The following PTCD3 variants were observed in gnomAD, a reference collection of about 807,000 sequenced individuals.
PTCD3 encodes small ribosomal subunit protein mS39.
PTCD3 carries 89 observed loss-of-function variants against 101.9 expected under a neutral mutation model. The observed-to-expected ratio is 0.87, with a 90% CI of 0.74 to 1.04. The LOEUF is 1.04. Ranked by LOEUF, PTCD3 falls within the 50% of genes least tolerant of loss-of-function variation. PTCD3 has a pLI of 0.00. For missense variants in PTCD3, 870 were observed against 828.2 expected (o/e 1.05, Z -0.62); for synonymous variants, 296 against 278.5 (o/e 1.06, Z -0.63).
In PTCD3 at chr2:86,117,178, A is replaced by G. The variant is rs766171773; in HGVS notation, c.414+19A>G. 26 of 866,668 alleles carry G rather than the reference A, an allele frequency of 3.0e-5. No homozygotes were observed. The highest frequency in any genetic ancestry group is 4.3e-5 in the Non-Finnish European group (22 of 512,394). The allele number at this position is 866,668 out of a possible 1,614,324, so 53.7% of individuals were successfully genotyped here. On this transcript the variant is annotated intron_variant, in intron 6 of 23. Transcript: ENST00000254630. ...TATACCGGTAAGGAGAGGTAGTTAC[A>G]TTATTTACATAATACTATTTTAAAT... is the stretch of plus-strand genomic sequence containing the variant.
At chr2:86,128,103 A>G in intron 14 of PTCD3, 112 bp downstream of exon 14, 2 of 942,006 alleles carry the variant, frequency 2.1e-6, no homozygotes, top group Non-Finnish European at 3.4e-6. Flanking sequence ...AAGAAGAGAG[A>G]ATTTGTAAAT....
chr2:86,112,527 A>G (rs896215350), intron 4 of PTCD3, among the ~76,000 whole-genome samples: 1 of 151,796 alleles, frequency 6.6e-6, no homozygotes, highest in African/African-American at 2.4e-5. Context: ...CCAAAACAAC[A>G]AAAACAAAAA....
intron 14 of PTCD3, among the ~76,000 whole-genome samples, chr2:86,129,749 T>G (rs1303890216): frequency 6.6e-6 from 1 of 152,172 alleles, no homozygotes; most frequent in African/African-American, 2.4e-5. Context: ...ATTAAGAATA[T>G]TAGCAAAGGG....
At chr2:86,114,349 G>A (rs902403532) in intron 4 of PTCD3, among the ~76,000 whole-genome samples, 3 of 151,448 alleles carry the variant, frequency 2.0e-5, no homozygotes, top group South Asian at 2.1e-4. Context: ...GTGCAGTGGC[G>A]CAATCTCAGC....
rs777136882 is a variant in PTCD3, at chr2:86,127,990, T to C, written c.1146T>C (p.Pro382=). Residue 382 remains proline (P), a splice_region_variant and synonymous_variant, in exon 14 of 24, where the codon CCT becomes CCC. Coordinates refer to ENST00000254630, the MANE Select transcript of PTCD3 (RefSeq NM_017952.6). ...ATATTATTCGCCTGTTTGATCAACC[T>C]GGTATGTATGGCCTTAAATTGTGTT... is the stretch of plus-strand genomic sequence containing the variant. ...YHHIIRLFDQ[P]GDPLKRSSFI... is the part of the protein sequence containing the mutation. 3.0e-5 allele frequency: 48 copies of C among 1,600,360 alleles called. No homozygotes were observed. Among genetic ancestry groups the C allele is most frequent in the Non-Finnish European group, 4.0e-5 (47 of 1,167,622 alleles).
intron 3 of PTCD3, among the ~76,000 whole-genome samples, chr2:86,109,645 A>C (rs1024259059): frequency 4.6e-5 from 7 of 152,244 alleles, no homozygotes; most frequent in Non-Finnish European, 8.8e-5. Flanking sequence ...ATTTGGCAGA[A>C]TCAGAATTGG....
chr2:86,125,578 G>A lies in PTCD3; in HGVS notation c.865+63G>A. The A allele has an allele frequency of 5.3e-6, 8 of 1,498,046 alleles. No homozygotes were observed. In the South Asian group the frequency reaches 7.9e-5, roughly 15 times the overall value. 92.8% of individuals were successfully genotyped at this position (1,498,046 alleles called of 1,614,324 possible). ...TCCTTCTTTTAATTGTCTGTGTGAA[G>A]GCTTTGGATCGTGCCTCAGTCATTG... On this transcript the variant is annotated intron_variant, in intron 11 of 23. Coordinates refer to ENST00000254630, the MANE Select transcript of PTCD3 (RefSeq NM_017952.6).
In PTCD3 at chr2:86,127,098, A is replaced by G. The variant is rs1449431930; in HGVS notation, c.952-63A>G. ...AAGCTAAATTCTTTACTTTGTATGA[A>G]ACATAGATTATTGGACAGATTACCC... On this transcript the variant is annotated intron_variant, in intron 12 of 23. Transcript: ENST00000254630. 1.2e-5 allele frequency: 17 copies of G among 1,426,824 alleles called. No homozygotes were observed. The East Asian group carries it at 3.5e-4, about 29-fold the overall frequency. The allele number at this position is 1,426,824 out of a possible 1,614,324, so 88.4% of individuals were successfully genotyped here. A position where few individuals can be genotyped will look rare whatever the true frequency, so the allele number is the denominator to read the frequency against.
At chr2:86,134,720 CATA>C (rs1674552264) in intron 20 of PTCD3, 116 bp from the exon 21 acceptor site, 1 of 1,159,142 alleles carries the variant, frequency 8.6e-7, no homozygotes, top group African/African-American at 1.5e-5. Context: ...GTGCTATACA[CATA>C]ATATATTCAA....
intron 4 of PTCD3, among the ~76,000 whole-genome samples, chr2:86,114,206 T>C (rs1395649496): frequency 6.6e-6 from 1 of 152,214 alleles, no homozygotes; most frequent in African/African-American, 2.4e-5. Flanking sequence ...ACAGATATTG[T>C]GTAGTTCTAG....
intron 8 of PTCD3, among the ~76,000 whole-genome samples, 173 bp from the exon 9 acceptor site, chr2:86,123,528 A>C (rs1674332322): frequency 6.6e-6 from 1 of 152,156 alleles, no homozygotes; most frequent in East Asian, 1.9e-4. Context: ...TTTGCACTTA[A>C]GAAATTAACT....
intron 9 of PTCD3, 111 bp from the exon 10 acceptor site, chr2:86,124,884 A>G: frequency 7.2e-7 from 1 of 1,393,844 alleles, no homozygotes; most frequent in African/African-American, 1.4e-5. Context: ...GAGATAATGT[A>G]TAGAAAGTAC....
chr2:86,132,250 T>G (rs1367531600), intron 16 of PTCD3, 68 bp from the exon 17 acceptor site: 7 of 917,280 alleles, frequency 7.6e-6, no homozygotes, highest in Non-Finnish European at 1.2e-5. Context: ...ACTCTACTGT[T>G]GTTATTTATT....
At chr2:86,113,758 C>T (rs145470042) in intron 4 of PTCD3, among the ~76,000 whole-genome samples, 24 of 152,196 alleles carry the variant, frequency 1.6e-4, no homozygotes, top group African/African-American at 5.3e-4. Flanking sequence ...TTGCGGTGAG[C>T]CAGGATCGCA....
chr2:86,114,478 C>T (rs771190595), intron 4 of PTCD3, among the ~76,000 whole-genome samples: 3 of 151,956 alleles, frequency 2.0e-5, no homozygotes, highest in Non-Finnish European at 2.9e-5. Context: ...TTAGTAGAGA[C>T]GGAGTTTCAC....
At chr2:86,111,238 A>G in intron 4 of PTCD3, 80 bp downstream of exon 4, 1 of 1,195,628 alleles carries the variant, frequency 8.4e-7, no homozygotes. Context: ...AACACATTTA[A>G]TACTCATACC....
rs1359171464 is a variant in PTCD3, at chr2:86,123,549, A to G, written c.655-152A>G. 8 of 554,934 alleles carry G rather than the reference A, an allele frequency of 1.4e-5. No individual in the cohort carries two copies. The East Asian group carries it at 2.2e-4, about 15-fold the overall frequency. The allele number at this position is 554,934 out of a possible 1,614,324, so 34.4% of individuals were successfully genotyped here. A position where few individuals can be genotyped will look rare whatever the true frequency, so the allele number is the denominator to read the frequency against. ...CTTAAGAAATTAACTGTATAGGTGT[A>G]AGCGTAACTGGGCTTCCTCTTTGCC... On this transcript the variant is annotated intron_variant, in intron 8 of 23. Coordinates refer to ENST00000254630, the MANE Select transcript of PTCD3 (RefSeq NM_017952.6).
At chr2:86,121,214 A>G (rs1272620426) in intron 7 of PTCD3, among the ~76,000 whole-genome samples, 1 of 152,170 alleles carries the variant, frequency 6.6e-6, no homozygotes, top group Non-Finnish European at 1.5e-5. Flanking sequence ...GAGGATAATG[A>G]GTACATAAAA....
At chr2:86,118,577 A>G (rs1674220866) in intron 6 of PTCD3, among the ~76,000 whole-genome samples, 1 of 152,242 alleles carries the variant, frequency 6.6e-6, no homozygotes, top group African/African-American at 2.4e-5. Context: ...CTGAAGGTAG[A>G]GAATGCCTTT....
Sources: allele counts gnomAD v4.1 joint callset (sites outside exome capture counted in the v4.1 genomes callset), GRCh38; gene constraint gnomAD v4.1.1; transcripts MANE v1.5; gene names NCBI Gene and HGNC (gene_info 2026-07-23, HGNC 2026-07-21).